The following CDH2 variants were observed in gnomAD, a reference collection of about 807,000 sequenced individuals.
CDH2 encodes the protein cadherin-2.
Under a neutral mutation model 92.0 loss-of-function variants are expected in CDH2, and 17 were observed. The observed-to-expected ratio is 0.18, with a 90% confidence interval of 0.13 to 0.28. The LOEUF (loss-of-function observed/expected upper bound fraction) is 0.28. Among genes scored for constraint, CDH2 ranks in the 10% least tolerant of loss-of-function variants. The probability of loss-of-function intolerance (pLI) is 1.00; values close to 1 mark genes in which losing one functional copy is unlikely to be tolerated. For synonymous variants in CDH2, 419 were observed against 415.9 expected, an observed-to-expected ratio of 1.01 and a Z score of -0.09; for missense variants, 862 against 1,133.1, an observed-to-expected ratio of 0.76 and a Z score of 3.44.
In CDH2 at chr18:28,148,810, C is replaced by A. The variant is rs560902743; in HGVS notation, c.61-1026G>T. 1.6e-4 allele frequency among the ~76,000 whole-genome samples: 25 copies of A among 152,262 alleles called. 2 individuals carry two copies. In the South Asian group the frequency reaches 4.6e-3, roughly 28 times the overall value. On this transcript the variant is annotated intron_variant, in intron 1 of 15. Transcript: ENST00000269141. Reference sequence around the variant, plus strand: ...GTCTGGATGAAGCAATGCAGGGCAGCTTCATAATTAAATGACTACCTGAAT... The same window carrying A: ...GTCTGGATGAAGCAATGCAGGGCAGATTCATAATTAAATGACTACCTGAAT...
At chr18:28,092,415 G>A (rs1298749858) in intron 2 of CDH2, among the ~76,000 whole-genome samples, 2 of 151,918 alleles carry the variant, frequency 1.3e-5, no homozygotes, top group Admixed American at 1.3e-4. Context: ...ATAAGTCAGA[G>A]GAAAAGTAGC....
intron 2 of CDH2, among the ~76,000 whole-genome samples, chr18:28,045,876 G>A (rs1441772849): frequency 6.6e-6 from 1 of 152,178 alleles, no homozygotes; most frequent in African/African-American, 2.4e-5. Context: ...ACAACTGAGA[G>A]AACTGAATAA....
intron 14 of CDH2, among the ~76,000 whole-genome samples, chr18:27,969,844 T>C (rs979161839): frequency 6.6e-6 from 1 of 152,078 alleles, no homozygotes; most frequent in African/African-American, 2.4e-5. Context: ...GGTGCAACCC[T>C]GTCTCTACTA....
At chr18:28,093,789 T>A (rs1383137006) in intron 2 of CDH2, among the ~76,000 whole-genome samples, 1 of 152,208 alleles carries the variant, frequency 6.6e-6, no homozygotes, top group Non-Finnish European at 1.5e-5. Context: ...CATGTCTTTG[T>A]CACAAAGAGA....
chr18:28,034,846 G>A (rs183693346), intron 2 of CDH2, among the ~76,000 whole-genome samples: 6 of 152,012 alleles, frequency 3.9e-5, no homozygotes, highest in Middle Eastern at 3.4e-3. Context: ...AATACTACCC[G>A]TACTTCAAGT....
chr18:28,173,349 A>G lies in CDH2; in HGVS notation c.60+3614T>C, dbSNP rs555749653. Reference sequence around the variant, plus strand: ...TTAAGAAAAGCAAAGAAATATACATAACTGTGTCTAGTAAGTAAACTCTGA... The same window carrying G: ...TTAAGAAAAGCAAAGAAATATACATGACTGTGTCTAGTAAGTAAACTCTGA... On this transcript the variant is annotated intron_variant, in intron 1 of 15. Transcript: ENST00000269141. 2.6e-5 allele frequency among the ~76,000 whole-genome samples: 4 copies of G among 152,272 alleles called. No individual in the cohort carries two copies. In the East Asian group the frequency reaches 5.8e-4, roughly 22 times the overall value.
chr18:28,105,818 C>G (rs2015311318), intron 2 of CDH2, among the ~76,000 whole-genome samples: 1 of 152,158 alleles, frequency 6.6e-6, no homozygotes, highest in Admixed American at 6.5e-5. Context: ...ATACGTCTTA[C>G]AAAGATGTTT....
intron 14 of CDH2, among the ~76,000 whole-genome samples, chr18:27,981,598 T>C (rs934840353): frequency 1.3e-5 from 2 of 152,122 alleles, no homozygotes; most frequent in African/African-American, 4.8e-5. Context: ...TCATGCAACT[T>C]TTTTCAAATG....
intron 2 of CDH2, among the ~76,000 whole-genome samples, chr18:28,069,407 AG>A (rs2014573694): frequency 6.6e-6 from 1 of 152,180 alleles, no homozygotes; most frequent in Non-Finnish European, 1.5e-5. Context: ...TATCTTCCAG[AG>A]GAACTACCCT....
chr18:28,101,040 T>C (rs2015217887), intron 2 of CDH2, among the ~76,000 whole-genome samples: 1 of 152,176 alleles, frequency 6.6e-6, no homozygotes, highest in African/African-American at 2.4e-5. Flanking sequence ...CCTTCATATT[T>C]GTTCTCAACA....
At chr18:28,036,548 T>G (rs373490122) in intron 2 of CDH2, 2 of 1,599,840 alleles carry the variant, frequency 1.3e-6, no homozygotes. Flanking sequence ...AATAAAAACA[T>G]GCCATCAAGT....
intron 2 of CDH2, among the ~76,000 whole-genome samples, chr18:28,045,073 C>CT (rs1260297454): frequency 6.6e-6 from 1 of 152,178 alleles, no homozygotes; most frequent in Non-Finnish European, 1.5e-5. Context: ...CCACATTCCT[C>CT]TGAGCCTGGG....
chr18:28,028,931 T>C (rs1320182723), intron 2 of CDH2, among the ~76,000 whole-genome samples: 2 of 152,154 alleles, frequency 1.3e-5, no homozygotes, highest in Non-Finnish European at 2.9e-5. Flanking sequence ...AAGCTGCCAA[T>C]AGAATTTAAG....
intron 2 of CDH2, among the ~76,000 whole-genome samples, chr18:28,050,864 T>G (rs2014177646): frequency 6.6e-6 from 1 of 152,216 alleles, no homozygotes; most frequent in East Asian, 1.9e-4. Context: ...CTCAAGAAGA[T>G]TCTTTTTAAA....
rs5823568 is a variant in CDH2 at position 27,955,761 on chromosome 18, G to GTTTTTTTTTTTTTTTTTTTTTTTTTTTTT, written c.2515-3403_2515-3402insAAAAAAAAAAAAAAAAAAAAAAAAAAAAA. On this transcript the variant is annotated intron_variant, in intron 15 of 15. Transcript: ENST00000269141. The stretch of plus-strand genomic sequence containing the variant: ...ACAAATCTCTGTTTTCTTTATTTCT[G>GTTTTTTTTTTTTTTTTTTTTTTTTTTTTT]TTTTTTTTTTTTTTTTTTTAAAGAG... Among the ~76,000 whole-genome samples, 84 of 111,698 alleles carry GTTTTTTTTTTTTTTTTTTTTTTTTTTTTT rather than the reference G, an allele frequency of 7.5e-4. 7 individuals are homozygous for GTTTTTTTTTTTTTTTTTTTTTTTTTTTTT. The highest frequency in any genetic ancestry group is 2.8e-3 in the East Asian group (10 of 3,582). 73.3% of individuals were successfully genotyped at this position (111,698 alleles called of 152,430 possible). A position where few individuals can be genotyped will look rare whatever the true frequency, so the allele number is the denominator to read the frequency against.
chr18:28,043,461 A>ATATATATATAT (rs2013990816), intron 2 of CDH2, among the ~76,000 whole-genome samples: 2 of 71,992 alleles, frequency 2.8e-5, no homozygotes, highest in Non-Finnish European at 5.2e-5. Context: ...GATATAAATA[A>ATATATATATAT]ATATATATAT....
intron 2 of CDH2, among the ~76,000 whole-genome samples, chr18:28,110,885 G>T (rs2015400043): frequency 6.6e-6 from 1 of 152,056 alleles, no homozygotes; most frequent in South Asian, 2.1e-4. Context: ...TAAATTGTTG[G>T]TTCTCTTCGC....
At chr18:28,063,871 A>G (rs190592742) in intron 2 of CDH2, among the ~76,000 whole-genome samples, 1 of 152,364 alleles carries the variant, frequency 6.6e-6, no homozygotes, top group Admixed American at 6.5e-5. Context: ...AAGCCACTTC[A>G]AAATATTATT....
At chr18:28,030,813 T>C (rs1195247434) in intron 2 of CDH2, among the ~76,000 whole-genome samples, 1 of 151,968 alleles carries the variant, frequency 6.6e-6, no homozygotes, top group Non-Finnish European at 1.5e-5. Context: ...TAAAAAAATC[T>C]AGTGCTTAAG....
Sources: allele counts gnomAD v4.1 joint callset (sites outside exome capture counted in the v4.1 genomes callset), GRCh38; gene constraint gnomAD v4.1.1; transcripts MANE v1.5; gene names NCBI Gene and HGNC (gene_info 2026-07-23, HGNC 2026-07-21).